The following FBXW11 variants were observed in gnomAD, a reference collection of about 807,000 sequenced individuals.
FBXW11 encodes F-box/WD repeat-containing protein 11.
In FBXW11, 19 loss-of-function variants were observed where a neutral mutation model predicts 77.6. The ratio of observed to expected loss-of-function variants is 0.24; its 90% CI spans 0.17 to 0.36. FBXW11 has a LOEUF of 0.36. FBXW11 is among the 10% of genes least tolerant of loss of function. The pLI is 1.00. For synonymous variants in FBXW11, 235 were observed against 249.4 expected (o/e 0.94, Z 0.54); for missense variants, 334 against 704.2 (o/e 0.47, Z 5.95).
chr5:171,866,756 AGGGGAGGTCAG>A (rs976093079), intron 13 of FBXW11, among the ~76,000 whole-genome samples: 2 of 152,044 alleles, frequency 1.3e-5, no homozygotes, highest in Non-Finnish European at 2.9e-5. Context: ...GCTTATTGGG[AGGGGAGGTCAG>A]GGGGAGGAGC....
At chr5:171,956,260 T>C (rs1354450100) in intron 2 of FBXW11, among the ~76,000 whole-genome samples, 1 of 152,214 alleles carries the variant, frequency 6.6e-6, no homozygotes, top group Non-Finnish European at 1.5e-5. Context: ...CAATAATGGC[T>C]GCCATTCCAA....
At chr5:171,966,249 T>C (rs1041476128) in intron 1 of FBXW11, among the ~76,000 whole-genome samples, 12 of 152,188 alleles carry the variant, frequency 7.9e-5, no homozygotes, top group African/African-American at 2.4e-4. Context: ...CAGTTTAAAA[T>C]GTGTTTAAAT....
At chr5:171,887,873 G>C (rs1759025349) in intron 7 of FBXW11, among the ~76,000 whole-genome samples, 1 of 152,128 alleles carries the variant, frequency 6.6e-6, no homozygotes, top group South Asian at 2.1e-4. Flanking sequence ...TGGCCAGGCT[G>C]GTCTTGAACT....
intron 4 of FBXW11, chr5:171,908,710 C>G (rs187048911): frequency 8.5e-5 from 13 of 152,198 alleles, no homozygotes; most frequent in African/African-American, 3.1e-4. Context: ...TAAACTTACA[C>G]GTTTTGGAAG....
intron 2 of FBXW11, among the ~76,000 whole-genome samples, chr5:171,921,490 T>A (rs1761596040): frequency 6.6e-6 from 1 of 152,166 alleles, no homozygotes; most frequent in African/African-American, 2.4e-5. Context: ...GTGTCTTAGG[T>A]GTTTTCCAAC....
At chr5:171,939,225 ACT>A (rs950943004) in intron 2 of FBXW11, among the ~76,000 whole-genome samples, 1 of 152,138 alleles carries the variant, frequency 6.6e-6, no homozygotes, top group African/African-American at 2.4e-5. Context: ...TGACAGCAAG[ACT>A]CTGTCTCAAA....
intron 1 of FBXW11, among the ~76,000 whole-genome samples, chr5:171,967,614 C>T (rs1483105303): frequency 1.3e-5 from 2 of 151,774 alleles, no homozygotes; most frequent in Admixed American, 6.6e-5. Context: ...CCGAGGCAGG[C>T]GGATCACCTG....
chr5:171,898,125 T>C (rs1193306441), intron 6 of FBXW11, among the ~76,000 whole-genome samples: 1 of 152,216 alleles, frequency 6.6e-6, no homozygotes, highest in Non-Finnish European at 1.5e-5. Context: ...GATTCCATTA[T>C]TCACATCTGC....
chr5:171,924,981 C>T (rs990037530), intron 2 of FBXW11, among the ~76,000 whole-genome samples: 1 of 152,162 alleles, frequency 6.6e-6, no homozygotes, highest in African/African-American at 2.4e-5. Flanking sequence ...CAGGCTACAG[C>T]ACGCCTGGCC....
At chr5:171,993,946 C>A (rs1432068974) in intron 1 of FBXW11, among the ~76,000 whole-genome samples, 2 of 152,174 alleles carry the variant, frequency 1.3e-5, no homozygotes, top group African/African-American at 4.8e-5. Context: ...TCAATCATTG[C>A]AGAAAGTTCT....
chr5:171,893,839 G>A (rs1759554756), intron 6 of FBXW11, among the ~76,000 whole-genome samples: 2 of 152,130 alleles, frequency 1.3e-5, no homozygotes, highest in Non-Finnish European at 2.9e-5. Flanking sequence ...GCTGTTCTTA[G>A]GTTTAAGAGG....
intron 2 of FBXW11, among the ~76,000 whole-genome samples, chr5:171,955,513 A>C (rs749099926): frequency 7.2e-5 from 11 of 152,216 alleles, no homozygotes; most frequent in Non-Finnish European, 1.3e-4. Flanking sequence ...ACGAAATTTT[A>C]GCACTGTTTG....
At chr5:172,001,738 G>A (rs1257813120) in intron 1 of FBXW11, among the ~76,000 whole-genome samples, 1 of 152,214 alleles carries the variant, frequency 6.6e-6, no homozygotes, top group Non-Finnish European at 1.5e-5. Flanking sequence ...ATCAAAAGAG[G>A]TGGCACCTAT....
rs773167276 is a variant in FBXW11, at chr5:171,870,411, AC to A, written c.1451+336del. Reference sequence around the variant, plus strand: ...CGAACACACACACACACACACACACACAAAGAGCCTGGCTTAATTTAGGGAT... The same window carrying A: ...CGAACACACACACACACACACACACAAAAGAGCCTGGCTTAATTTAGGGAT... On this transcript the variant is annotated intron_variant, in intron 11 of 13. Coordinates refer to ENST00000517395, the MANE Select transcript of FBXW11 (RefSeq NM_001378974.1). Among the ~76,000 whole-genome samples the A allele has an allele frequency of 9.5e-3, 1,448 of 152,244 alleles. 25 individuals carry two copies. The highest frequency in any genetic ancestry group is 0.033 in the African/African-American group (1,374 of 41,502).
intron 1 of FBXW11, among the ~76,000 whole-genome samples, chr5:171,980,168 T>C (rs183605887): frequency 1.3e-5 from 2 of 152,330 alleles, no homozygotes; most frequent in South Asian, 2.1e-4. Flanking sequence ...AGCTAGCAGA[T>C]ATTTAAGAAT....
intron 1 of FBXW11, among the ~76,000 whole-genome samples, chr5:171,991,871 T>C (rs1765755538): frequency 6.6e-6 from 1 of 152,056 alleles, no homozygotes; most frequent in Non-Finnish European, 1.5e-5. Flanking sequence ...TCCCAGCACT[T>C]TGGGAGGCCG....
At position 171,914,336 on chromosome 5, in the gene FBXW11, T is replaced by C. The variant is rs191284606; in HGVS notation, c.210+7A>G. On this transcript the variant is annotated splice_region_variant and intron_variant, in intron 3 of 13. Transcript: ENST00000517395. Reference sequence around the variant, plus strand: ...TTGCTATCTAATCTGTGCGCCGTCATTCCTACCTGCCAAAGAGTATTTTTC... The same window carrying C: ...TTGCTATCTAATCTGTGCGCCGTCACTCCTACCTGCCAAAGAGTATTTTTC... The C allele has an allele frequency of 1.5e-4, 233 of 1,602,052 alleles. 1 individual carries two copies. The Middle Eastern group carries it at 2.2e-3, about 15-fold the overall frequency.
intron 6 of FBXW11, 67 bp downstream of exon 6, chr5:171,898,937 T>C: frequency 9.5e-7 from 1 of 1,050,786 alleles, no homozygotes; most frequent in East Asian, 2.4e-5. Flanking sequence ...AAGAACACTC[T>C]AAGGCAACAT....
chr5:171,943,278 G>A (rs1301322043), intron 2 of FBXW11, among the ~76,000 whole-genome samples: 1 of 152,158 alleles, frequency 6.6e-6, no homozygotes, highest in East Asian at 1.9e-4. Flanking sequence ...ACATAAATAT[G>A]TCCAAGATAT....
Sources: gnomAD v4.1 joint callset for allele counts (sites outside exome capture counted in the v4.1 genomes callset) on GRCh38, gnomAD v4.1.1 for gene constraint, MANE v1.5 for transcripts, NCBI Gene and HGNC (gene_info 2026-07-23, HGNC 2026-07-21) for gene names.